Variants in CNTN1 observed in about 807,000 individuals in gnomAD.
CNTN1 encodes contactin-1.
Under a neutral mutation model 126.4 loss-of-function variants are expected in CNTN1, and 38 were observed. That is an observed-to-expected ratio of 0.30 (90% CI 0.23 to 0.39). The LOEUF (loss-of-function observed/expected upper bound fraction) is 0.39, where lower values mean the gene tolerates loss of function less well. CNTN1 is among the 10% of genes least tolerant of loss of function. The pLI, the probability that CNTN1 is intolerant of heterozygous loss-of-function variation, is 1.00. For missense variants in CNTN1, 1,009 were observed against 1,248.4 expected (o/e 0.81, Z 2.89); for synonymous variants, 413 against 422.6 (o/e 0.98, Z 0.28).
At chr12:40,778,777 G>A (rs1349754443) in intron 1 of CNTN1, among the ~76,000 whole-genome samples, 1 of 151,628 alleles carries the variant, frequency 6.6e-6, no homozygotes, top group Non-Finnish European at 1.5e-5. Context: ...TAAGAAATTG[G>A]CTCTCAACGA....
chr12:40,961,805 TAAATC>T (rs1947114391), intron 15 of CNTN1, among the ~76,000 whole-genome samples: 2 of 152,136 alleles, frequency 1.3e-5, no homozygotes, highest in Admixed American at 6.6e-5. Context: ...TTCATGTAGT[TAAATC>T]TAATAGCACA....
chr12:40,866,420 C>G (rs767857507), intron 1 of CNTN1, among the ~76,000 whole-genome samples: 2 of 152,120 alleles, frequency 1.3e-5, no homozygotes, highest in African/African-American at 2.4e-5. Context: ...AGCAATTCAT[C>G]TTTAACATAA....
intron 1 of CNTN1, among the ~76,000 whole-genome samples, chr12:40,699,691 C>A (rs1047332457): frequency 1.3e-5 from 2 of 151,998 alleles, no homozygotes; most frequent in Non-Finnish European, 2.9e-5. Flanking sequence ...ACATGCATAG[C>A]CTTATTTGAT....
intron 3 of CNTN1, among the ~76,000 whole-genome samples, chr12:40,912,665 G>A (rs1945084331): frequency 6.6e-6 from 1 of 151,750 alleles, no homozygotes; most frequent in East Asian, 1.9e-4. Flanking sequence ...TTGCTTAGCT[G>A]TAGGGAGGAC....
intron 1 of CNTN1, among the ~76,000 whole-genome samples, chr12:40,805,489 TA>T (rs1298396532): frequency 6.6e-6 from 1 of 151,896 alleles, no homozygotes; most frequent in Admixed American, 6.6e-5. Context: ...ATTATCTTCT[TA>T]AAAAAAAGTC....
chr12:40,967,570 C>T (rs1311451868), intron 15 of CNTN1, among the ~76,000 whole-genome samples: 2 of 152,150 alleles, frequency 1.3e-5, no homozygotes, highest in Non-Finnish European at 2.9e-5. Flanking sequence ...CTTTACAGAA[C>T]TTAGCAGGCC....
At chr12:40,795,357 G>A (rs1022881480) in intron 1 of CNTN1, among the ~76,000 whole-genome samples, 1 of 139,698 alleles carries the variant, frequency 7.2e-6, no homozygotes, top group African/African-American at 2.7e-5. Flanking sequence ...TCGCTCTGTC[G>A]CCAGGCTGGA....
intron 1 of CNTN1, among the ~76,000 whole-genome samples, chr12:40,849,638 G>A (rs1942646426): frequency 6.6e-6 from 1 of 152,018 alleles, no homozygotes; most frequent in Admixed American, 6.5e-5. Context: ...CTATTAAGGG[G>A]ACTGAGTCTA....
intron 14 of CNTN1, among the ~76,000 whole-genome samples, chr12:40,947,772 TATATATATATACACACAC>T (rs1403776852): frequency 2.8e-5 from 2 of 72,166 alleles, no homozygotes; most frequent in African/African-American, 1.4e-4. Flanking sequence ...TTCATATATA[TATATATATATACACACAC>T]ACACACACAC....
intron 1 of CNTN1, among the ~76,000 whole-genome samples, chr12:40,870,295 TGAGTTACTG>T (rs1222620563): frequency 6.6e-6 from 1 of 152,128 alleles, no homozygotes; most frequent in Non-Finnish European, 1.5e-5. Flanking sequence ...ATAAAATGAC[TGAGTTACTG>T]GAAAATGGGA....
intron 1 of CNTN1, among the ~76,000 whole-genome samples, chr12:40,802,455 G>A (rs1406656052): frequency 6.6e-6 from 1 of 151,954 alleles, no homozygotes; most frequent in Non-Finnish European, 1.5e-5. Context: ...AGACACTTTT[G>A]TAAGCAATGA....
At chr12:40,696,958 C>T (rs1941466013) in intron 1 of CNTN1, among the ~76,000 whole-genome samples, 3 of 152,128 alleles carry the variant, frequency 2.0e-5, no homozygotes, top group Non-Finnish European at 1.5e-5. Context: ...GCTTTTTAAA[C>T]TTAATATACC....
intron 1 of CNTN1, among the ~76,000 whole-genome samples, chr12:40,900,457 A>G (rs956530532): frequency 1.3e-5 from 2 of 152,120 alleles, no homozygotes; most frequent in Non-Finnish European, 2.9e-5. Context: ...GTGTATGGTT[A>G]GGTGCCTTGT....
Position 40,899,645 on chromosome 12 carries a change from C to T in CNTN1, c.-76-8712C>T, listed in dbSNP as rs56088295. On this transcript the variant is annotated intron_variant, in intron 1 of 23. Coordinates refer to ENST00000551295, the MANE Select transcript of CNTN1 (RefSeq NM_001843.4). ...CCTATACATTGTTCTCTGTGAGCAACGAAAATATTCCAACCTTCACTTAAC... is the reference window on the plus strand; with the variant it reads ...CCTATACATTGTTCTCTGTGAGCAATGAAAATATTCCAACCTTCACTTAAC... Among the ~76,000 whole-genome samples the T allele has an allele frequency of 4.6e-5, 7 of 152,200 alleles. No individual in the cohort carries two copies. The South Asian group carries it at 6.2e-4, about 14-fold the overall frequency.
intron 1 of CNTN1, among the ~76,000 whole-genome samples, chr12:40,852,019 C>T (rs1942734687): frequency 6.6e-6 from 1 of 152,060 alleles, no homozygotes; most frequent in Non-Finnish European, 1.5e-5. Context: ...TCTCAACTGG[C>T]TTGAACTGGA....
chr12:41,041,626 G>A lies in CNTN1; in HGVS notation c.2980+12407G>A, dbSNP rs573954592. Among the ~76,000 whole-genome samples the A allele has an allele frequency of 3.5e-3, 528 of 151,810 alleles. 2 individuals are homozygous for A. The highest frequency in any genetic ancestry group is 8.4e-3 in the African/African-American group (346 of 41,358). ...TTGGTCTATTCAGAGAGTCAACTTC[G>A]TCCTGGTTTAGTCTTGGGAGGGTGT... On this transcript the variant is annotated intron_variant, in intron 23 of 23. Transcript: ENST00000551295.
chr12:40,759,905 A>C (rs1401022294), intron 1 of CNTN1, among the ~76,000 whole-genome samples: 1 of 151,700 alleles, frequency 6.6e-6, no homozygotes, highest in African/African-American at 2.4e-5. Context: ...ATACTTTTAT[A>C]ACGTCTTTCT....
At chr12:40,758,619 C>T (rs1405614146) in intron 1 of CNTN1, among the ~76,000 whole-genome samples, 2 of 151,984 alleles carry the variant, frequency 1.3e-5, no homozygotes, top group Non-Finnish European at 2.9e-5. Context: ...TTATGAAAAA[C>T]TTCAAATATG....
intron 1 of CNTN1, among the ~76,000 whole-genome samples, chr12:40,775,185 A>G (rs1939530468): frequency 6.6e-6 from 1 of 151,248 alleles, no homozygotes; most frequent in South Asian, 2.1e-4. Context: ...ATTTATCTTG[A>G]TCTACTATAT....
Sources: gnomAD v4.1 joint callset for allele counts (sites outside exome capture counted in the v4.1 genomes callset) on GRCh38, gnomAD v4.1.1 for gene constraint, MANE v1.5 for transcripts, NCBI Gene and HGNC (gene_info 2026-07-23, HGNC 2026-07-21) for gene names.